The following EAF1 variants were observed in gnomAD, a reference collection of about 807,000 sequenced individuals.
EAF1 encodes ELL-associated factor 1.
A neutral mutation model predicts 26.6 loss-of-function variants in EAF1; 19 were observed. That is an observed-to-expected ratio of 0.71 (90% CI 0.50 to 1.05). The LOEUF (loss-of-function observed/expected upper bound fraction) is 1.05. Ranked by LOEUF, EAF1 falls within the 50% of genes least tolerant of loss-of-function variation. EAF1 has a pLI of 0.00. For synonymous variants in EAF1, 102 were observed against 120.6 expected (o/e 0.85, Z 1.01); for missense variants, 260 against 335.5 (o/e 0.78, Z 1.76).
At chr3:15,429,371 C>T (rs2061786975) in intron 1 of EAF1, among the ~76,000 whole-genome samples, 1 of 151,930 alleles carries the variant, frequency 6.6e-6, no homozygotes, top group African/African-American at 2.4e-5. Flanking sequence ...AGCTATGGAA[C>T]TTGAGTATGG....
At chr3:15,438,315 A>G (rs1410333629) in intron 5 of EAF1, among the ~76,000 whole-genome samples, 1 of 152,150 alleles carries the variant, frequency 6.6e-6, no homozygotes, top group Non-Finnish European at 1.5e-5. Flanking sequence ...GTTAGTTCAG[A>G]TTTGAAATTT....
Position 15,441,489 on chromosome 3 carries a change from C to CT in EAF1, c.*2356dup, listed in dbSNP as rs11343442. The CT allele has an allele frequency of 0.038, 2,735 of 72,242 alleles. 129 individuals are homozygous for CT. Among genetic ancestry groups the CT allele is most frequent in the Non-Finnish European group, 0.052 (2,056 of 39,686 alleles). 4.5% of individuals were successfully genotyped at this position (72,242 alleles called of 1,614,324 possible). A position where few individuals can be genotyped will look rare whatever the true frequency, so the allele number is the denominator to read the frequency against. ...GAGTGCCCTGTGTGTACATACTGAC[C>CT]TTTTTTTTTTTTTTTTTTTTTTGCT... On this transcript the variant is annotated 3_prime_UTR_variant, in exon 6 of 6. Coordinates refer to ENST00000396842, the MANE Select transcript of EAF1 (RefSeq NM_033083.7).
intron 5 of EAF1, chr3:15,438,525 T>TC (rs895454741): frequency 2.0e-5 from 3 of 149,510 alleles, no homozygotes; most frequent in African/African-American, 7.5e-5. Flanking sequence ...TTTTTTTTTT[T>TC]CTTTTTTCTT....
intron 5 of EAF1, chr3:15,438,873 C>T (rs2125068856): frequency 1.2e-5 from 5 of 414,894 alleles, no homozygotes; most frequent in South Asian, 4.4e-5. Context: ...AAAAGTTATC[C>T]AGCTTACTTC....
In EAF1 at chr3:15,427,686, C is replaced by A; in HGVS notation, c.-94C>A. 7.5e-7 allele frequency: 1 copy of A among 1,336,946 alleles called. No individual in the cohort carries two copies. The highest frequency in any genetic ancestry group is 1.0e-6 in the Non-Finnish European group (1 of 959,278). 82.8% of individuals were successfully genotyped at this position (1,336,946 alleles called of 1,614,324 possible). On this transcript the variant is annotated 5_prime_UTR_variant, in exon 1 of 6. Coordinates refer to ENST00000396842, the MANE Select transcript of EAF1 (RefSeq NM_033083.7). The stretch of plus-strand genomic sequence containing the variant: ...CTCCTTGTCTTCCAGAGCGGTGGCC[C>A]GGAAGCACAGTCCTCCCAGACGCCA...
rs1328397098 is a variant in EAF1, at chr3:15,436,511, T to A, written c.696T>A (p.Ser232Arg). 1 of 1,599,580 alleles carries A rather than the reference T, an allele frequency of 6.3e-7. No individual in the cohort carries two copies. The highest frequency in any genetic ancestry group is 1.3e-5 in the African/African-American group (1 of 74,706). Residue 232 changes from serine to arginine, a missense_variant, in exon 5 of 6, where the codon AGT (serine) becomes AGA (arginine). Transcript: ENST00000396842. Reference sequence around the variant, plus strand: ...CTTCACACCAGCAGCCCTACAACAGTAGGCCTGCCGTTGCCAATGGAACCA... The same window carrying A: ...CTTCACACCAGCAGCCCTACAACAGAAGGCCTGCCGTTGCCAATGGAACCA... The part of the protein sequence containing the change: ...PQPSHQQPYN[S>R]RPAVANGTSR...
rs372186411 is a variant in EAF1, at chr3:15,431,458, G to C, written c.199-629G>C. Among the ~76,000 whole-genome samples, 28 of 152,316 alleles carry C rather than the reference G, an allele frequency of 1.8e-4. No homozygotes were observed. In the East Asian group the frequency reaches 4.4e-3, roughly 24 times the overall value. ...AGAGGCAGGAGAGAGCTTGAGGATA[G>C]GAGGGAAGCCAGTTGCCTTCTGCTC... On this transcript the variant is annotated intron_variant, in intron 2 of 5. Coordinates refer to ENST00000396842, the MANE Select transcript of EAF1 (RefSeq NM_033083.7).
rs745421728 is a variant in EAF1, at chr3:15,434,369, C to A, written c.357C>A (p.Ile119=). 2 of 1,614,162 alleles carry A rather than the reference C, an allele frequency of 1.2e-6. No individual in the cohort carries two copies. The highest frequency in any genetic ancestry group is 1.7e-6 in the Non-Finnish European group (2 of 1,180,028). ...TCAGAGCTGAGGGCAGCAGTAAAAT[C>A]CAGGCCCGAATGGAACAGCAGCCCA... ...KKTRAEGSSK[I]QARMEQQPTR... Residue 119 remains isoleucine (I), a synonymous_variant, in exon 4 of 6, where the codon ATC becomes ATA. Coordinates refer to ENST00000396842, the MANE Select transcript of EAF1 (RefSeq NM_033083.7).
rs1479554430 is a variant in EAF1, at chr3:15,427,743, G to A, written c.-37G>A. 2 of 1,543,242 alleles carry A rather than the reference G, an allele frequency of 1.3e-6. No homozygotes were observed. The highest frequency in any genetic ancestry group is 2.0e-5 in the Admixed American group (1 of 50,976). ...GAAGCTCGGATCGCGGCTGCACCGG[G>A]AGAGCGCCGATCTGGGTGCGAGGCA... On this transcript the variant is annotated 5_prime_UTR_variant, in exon 1 of 6. Transcript: ENST00000396842.
At chr3:15,429,441 C>A (rs1292030760) in intron 1 of EAF1, among the ~76,000 whole-genome samples, 3 of 152,094 alleles carry the variant, frequency 2.0e-5, no homozygotes, top group Non-Finnish European at 1.5e-5. Flanking sequence ...GATGCTGTGG[C>A]CTTTCATATT....
chr3:15,427,924 C>T, intron 1 of EAF1, 42 bp downstream of exon 1: 4 of 1,451,802 alleles, frequency 2.8e-6, no homozygotes, highest in South Asian at 2.6e-5. Context: ...CCGCTCCAGC[C>T]GCCACATATC....
chr3:15,431,807 T>A (rs2061803986), intron 2 of EAF1, among the ~76,000 whole-genome samples: 1 of 152,202 alleles, frequency 6.6e-6, no homozygotes, highest in African/African-American at 2.4e-5. Context: ...ATGAAAGTAA[T>A]GGTTAATTTT....
rs1461201231 is a variant in EAF1 at position 15,439,976 on chromosome 3, G to A, written c.*821G>A. On this transcript the variant is annotated 3_prime_UTR_variant, in exon 6 of 6. Coordinates refer to ENST00000396842, the MANE Select transcript of EAF1 (RefSeq NM_033083.7). ...GCTTGAATTCAGTCCCTAAATACAT[G>A]AGGCTGGGTGAGCAGATGAAACCGG... The A allele has an allele frequency of 2.0e-5, 3 of 152,248 alleles. No homozygotes were observed. Among genetic ancestry groups the A allele is most frequent in the Non-Finnish European group, 4.4e-5 (3 of 68,056 alleles). The allele number at this position is 152,248 out of a possible 1,614,324, so 9.4% of individuals were successfully genotyped here.
intron 5 of EAF1, among the ~76,000 whole-genome samples, chr3:15,437,006 C>T (rs1559506177): frequency 6.6e-6 from 1 of 152,138 alleles, no homozygotes; most frequent in Non-Finnish European, 1.5e-5. Context: ...AGCGATTCTC[C>T]TGCTTCAGCC....
Position 15,439,448 on chromosome 3 carries a change from C to G in EAF1, c.*293C>G, listed in dbSNP as rs1259802266. On this transcript the variant is annotated 3_prime_UTR_variant, in exon 6 of 6. Coordinates refer to ENST00000396842, the MANE Select transcript of EAF1 (RefSeq NM_033083.7). The stretch of plus-strand genomic sequence containing the variant: ...TTAATGAAAAACAGATAAATGTGCC[C>G]TGGTCTAAGTTACTCAAAGGCCATA... 1 of 288,782 alleles carries G rather than the reference C, an allele frequency of 3.5e-6. No homozygotes were observed. The highest frequency in any genetic ancestry group is 6.4e-6 in the Non-Finnish European group (1 of 155,700). The allele number at this position is 288,782 out of a possible 1,614,324, so 17.9% of individuals were successfully genotyped here. A position where few individuals can be genotyped will look rare whatever the true frequency, so the allele number is the denominator to read the frequency against.
chr3:15,437,078 TAG>T, intron 5 of EAF1, among the ~76,000 whole-genome samples: 1 of 152,282 alleles, frequency 6.6e-6, no homozygotes. Flanking sequence ...GTATTTTTAG[TAG>T]AGATGGGGTT....
At chr3:15,427,927 C>T (rs1392296583) in intron 1 of EAF1, 45 bp downstream of exon 1, 1 of 1,443,530 alleles carries the variant, frequency 6.9e-7, no homozygotes, top group African/African-American at 1.4e-5. Context: ...CTCCAGCCGC[C>T]ACATATCAAC....
At chr3:15,431,794 A>G (rs111644861) in intron 2 of EAF1, among the ~76,000 whole-genome samples, 3,514 of 152,358 alleles carry the variant, frequency 0.023, 145 homozygotes, top group African/African-American at 0.08. Context: ...TCTGCTTAGT[A>G]TAATGAAAGT....
chr3:15,434,891 G>A (rs901836849), intron 4 of EAF1, among the ~76,000 whole-genome samples: 4 of 152,152 alleles, frequency 2.6e-5, no homozygotes, highest in African/African-American at 4.8e-5. Context: ...AAAACTAAGC[G>A]TAGGTGGCAA....
Sources: gnomAD v4.1 joint callset for allele counts (sites outside exome capture counted in the v4.1 genomes callset) on GRCh38, gnomAD v4.1.1 for gene constraint, MANE v1.5 for transcripts, NCBI Gene and HGNC (gene_info 2026-07-23, HGNC 2026-07-21) for gene names.